The following SHLD1 variants were observed in gnomAD, a reference collection of about 807,000 sequenced individuals.
SHLD1 encodes shieldin complex subunit 1.
In SHLD1, 3 loss-of-function variants were observed where a neutral mutation model predicts 5.5. The ratio of observed to expected loss-of-function variants is 0.54; its 90% confidence interval spans 0.25 to 1.40. The LOEUF (loss-of-function observed/expected upper bound fraction) is 1.40, where lower values mean the gene tolerates loss of function less well. Among genes scored for constraint, SHLD1 ranks in the 40% most tolerant of loss-of-function variants. The pLI is 0.15. For synonymous variants in SHLD1, 92 were observed against 94.3 expected (o/e 0.98, Z 0.14); for missense variants, 210 against 244.4 (o/e 0.86, Z 0.94).
chr20:5,759,537 G>A (rs760694879), intron 1 of SHLD1, among the ~76,000 whole-genome samples: 24 of 151,678 alleles, frequency 1.6e-4, no homozygotes, highest in East Asian at 5.8e-4. Context: ...CTGGGATTAC[G>A]GTCTAAAAAT....
chr20:5,756,685 C>CTTTTTTTTTTTT (rs1568486031), intron 1 of SHLD1: 1 of 147,210 alleles, frequency 6.8e-6, no homozygotes. Flanking sequence ...TTCTTTCTTT[C>CTTTTTTTTTTTT]TTTCTTTTTT....
rs533142568 is a variant in SHLD1, at chr20:5,751,605, A to G, written c.-5+1126A>G. 8.1e-4 allele frequency among the ~76,000 whole-genome samples: 123 copies of G among 152,240 alleles called. 1 individual carries two copies. The highest frequency in any genetic ancestry group is 5.8e-4 in the East Asian group (3 of 5,184). ...CAGGTGTGAGCCACCACGCCCGGCT[A>G]TCTTCTTATACTATGTATAATATTT... On this transcript the variant is annotated intron_variant, in intron 1 of 2. Transcript: ENST00000303142.
At chr20:5,765,769 CTTTTT>C (rs756234026) in intron 1 of SHLD1, among the ~76,000 whole-genome samples, 37 of 62,088 alleles carry the variant, frequency 6.0e-4, no homozygotes, top group Non-Finnish European at 9.4e-4. Flanking sequence ...CGCACAAATC[CTTTTT>C]TTTTTTTTTT....
chr20:5,755,548 A>T (rs1039840784), intron 1 of SHLD1, among the ~76,000 whole-genome samples: 2 of 149,978 alleles, frequency 1.3e-5, no homozygotes, highest in Non-Finnish European at 3.0e-5. Context: ...AGGGAAGAAC[A>T]TTTTCTTTTT....
intron 2 of SHLD1, among the ~76,000 whole-genome samples, chr20:5,793,439 C>T (rs537593833): frequency 6.1e-4 from 93 of 152,284 alleles, no homozygotes; most frequent in African/African-American, 2.2e-3. Context: ...CACAGTGGCT[C>T]ACGTTGTGGG....
At chr20:5,818,006 T>A (rs776632800) in intron 2 of SHLD1, among the ~76,000 whole-genome samples, 2 of 152,234 alleles carry the variant, frequency 1.3e-5, no homozygotes, top group African/African-American at 2.4e-5. Flanking sequence ...CTATACTAAC[T>A]GTGACCAGGA....
At chr20:5,752,395 C>CAA (rs75840593) in intron 1 of SHLD1, among the ~76,000 whole-genome samples, 3 of 121,620 alleles carry the variant, frequency 2.5e-5, no homozygotes, top group East Asian at 2.9e-4. Flanking sequence ...GACTCCATCT[C>CAA]AAAAAAAAAA....
chr20:5,831,478 A>G (rs2087728329), intron 2 of SHLD1, among the ~76,000 whole-genome samples: 1 of 152,188 alleles, frequency 6.6e-6, no homozygotes. Flanking sequence ...GTTGAAGCCA[A>G]CAGCCCACCT....
intron 2 of SHLD1, among the ~76,000 whole-genome samples, chr20:5,826,744 T>G (rs1314614462): frequency 6.6e-6 from 1 of 151,678 alleles, no homozygotes; most frequent in African/African-American, 2.4e-5. Context: ...TCACTTGGCC[T>G]CTCTGTGCCT....
At chr20:5,757,373 T>A (rs1333125968) in intron 1 of SHLD1, among the ~76,000 whole-genome samples, 1 of 152,040 alleles carries the variant, frequency 6.6e-6, no homozygotes, top group Admixed American at 6.6e-5. Flanking sequence ...CCAGCCTTTT[T>A]CTCTCTTTAT....
At chr20:5,817,394 TTCTCTCTCTCTCTCTC>T (rs144955343) in intron 2 of SHLD1, among the ~76,000 whole-genome samples, 65 of 75,872 alleles carry the variant, frequency 8.6e-4, no homozygotes, top group African/African-American at 2.5e-3. Context: ...ACGGGATATT[TTCTCTCTCTCTCTCTC>T]TCTCTCTCTC....
rs73079302 is a variant in SHLD1 at position 5,818,435 on chromosome 20, G to A, written c.179-44589G>A. 8.4e-3 allele frequency among the ~76,000 whole-genome samples: 1,277 copies of A among 152,298 alleles called. 16 individuals carry two copies. The highest frequency in any genetic ancestry group is 0.014 in the Non-Finnish European group (971 of 68,024). On this transcript the variant is annotated intron_variant, in intron 2 of 2. Coordinates refer to ENST00000303142, the MANE Select transcript of SHLD1 (RefSeq NM_152504.4). ...GGGCAAATTTGGTATAGTTAACTCT[G>A]CCATTGCCAGAGGCTGTTCACTTAG... is the stretch of plus-strand genomic sequence containing the variant.
intron 2 of SHLD1, among the ~76,000 whole-genome samples, chr20:5,823,767 A>G (rs1222539121): frequency 6.6e-6 from 1 of 152,062 alleles, no homozygotes; most frequent in Admixed American, 6.6e-5. Flanking sequence ...ATAATGTTCT[A>G]AGAAAGTTTA....
intron 1 of SHLD1, chr20:5,771,967 C>T (rs1040430715): frequency 9.3e-6 from 4 of 429,608 alleles, no homozygotes; most frequent in African/African-American, 6.6e-5. Context: ...CTCCGCTTCG[C>T]AAGTTCAAGG....
intron 2 of SHLD1, among the ~76,000 whole-genome samples, chr20:5,811,168 C>G (rs193123393): frequency 1.3e-5 from 2 of 152,258 alleles, no homozygotes; most frequent in Admixed American, 6.5e-5. Flanking sequence ...CTTATTCTCT[C>G]CAAATTACGT....
At chr20:5,839,940 T>C (rs2087838747) in intron 2 of SHLD1, among the ~76,000 whole-genome samples, 1 of 152,226 alleles carries the variant, frequency 6.6e-6, no homozygotes, top group Admixed American at 6.5e-5. Flanking sequence ...TTGAGAACAC[T>C]TTCTAGACCA....
chr20:5,795,638 G>C (rs998047008), intron 2 of SHLD1, among the ~76,000 whole-genome samples: 3 of 145,308 alleles, frequency 2.1e-5, no homozygotes, highest in African/African-American at 7.7e-5. Flanking sequence ...GGCTGTGTAA[G>C]TTTCATAACT....
chr20:5,796,534 G>C (rs185038374), intron 2 of SHLD1, among the ~76,000 whole-genome samples: 24 of 152,054 alleles, frequency 1.6e-4, no homozygotes, highest in East Asian at 1.2e-3. Context: ...AGTTAGAAAG[G>C]GGGGAGATGA....
At chr20:5,804,307 A>C (rs55764140) in intron 2 of SHLD1, among the ~76,000 whole-genome samples, 3,952 of 151,606 alleles carry the variant, frequency 0.026, 76 homozygotes, top group Non-Finnish European at 0.039. Flanking sequence ...GTCTTTGTAT[A>C]TATATATAGT....
Sources: gnomAD v4.1 joint callset for allele counts (sites outside exome capture counted in the v4.1 genomes callset) on GRCh38, gnomAD v4.1.1 for gene constraint, MANE v1.5 for transcripts, NCBI Gene and HGNC (gene_info 2026-07-23, HGNC 2026-07-21) for gene names.